Variants in RAPGEF1 observed in about 807,000 individuals in gnomAD.
RAPGEF1 encodes the protein Rap guanine nucleotide exchange factor 1.
RAPGEF1 carries 33 observed loss-of-function variants against 143.3 expected under a neutral mutation model. That is an observed-to-expected ratio of 0.23 (90% CI 0.17 to 0.31). The LOEUF is 0.31. Among genes scored for constraint, RAPGEF1 ranks in the 10% least tolerant of loss-of-function variants. The pLI is 1.00. For missense variants in RAPGEF1, 1,199 were observed against 1,645.4 expected, an observed-to-expected ratio of 0.73 and a Z score of 4.69; for synonymous variants, 629 against 676.5, an observed-to-expected ratio of 0.93 and a Z score of 1.09.
At chr9:131,694,343 A>G (rs561936823) in intron 1 of RAPGEF1, among the ~76,000 whole-genome samples, 1 of 152,336 alleles carries the variant, frequency 6.6e-6, no homozygotes, top group African/African-American at 2.4e-5. Flanking sequence ...TCCAGAAAGC[A>G]TCAGCTGTGT....
At chr9:131,726,418 T>C (rs1224019970) in intron 1 of RAPGEF1, among the ~76,000 whole-genome samples, 2 of 151,958 alleles carry the variant, frequency 1.3e-5, no homozygotes, top group Non-Finnish European at 2.9e-5. Context: ...CTTGAGGCCA[T>C]GCATTCGAGA....
At position 131,648,751 on chromosome 9, in the gene RAPGEF1, C is replaced by T. The variant is rs188145848; in HGVS notation, c.315+1378G>A. On this transcript the variant is annotated intron_variant, in intron 3 of 26. Transcript: ENST00000683357. ...TCGTTAAAAGAGGGGGCAGGAAAAA[C>T]CACTTTTCAACAAAAGACTTTTAGA... 7.0e-3 allele frequency among the ~76,000 whole-genome samples: 1,073 copies of T among 152,304 alleles called. 14 individuals carry two copies. Among genetic ancestry groups the T allele is most frequent in the Middle Eastern group, 0.034 (10 of 292 alleles).
Position 131,638,754 on chromosome 9 carries a change from T to A in RAPGEF1, c.532A>T (p.Ser178Cys). The A allele has an allele frequency of 6.2e-7, 1 of 1,613,928 alleles. No homozygotes were observed. Residue 178 changes from serine to cysteine, a missense_variant, in exon 5 of 27, where the codon AGC (serine) becomes TGC (cysteine). Physicochemically the swap from Ser to Cys is moderately radical, Grantham distance 112 (BLOSUM62 -1). Transcript: ENST00000683357. The part of the protein sequence containing the change: ...LSSCYSRVYQ[S>C]LANLIRWSDQ... ...GACCAGCGAATGAGGTTGGCGAGGC[T>A]TTGGTACACTCGGCTATAGCAGGAA...
intron 4 of RAPGEF1, among the ~76,000 whole-genome samples, chr9:131,640,105 G>C (rs1430164777): frequency 6.6e-6 from 1 of 152,216 alleles, no homozygotes; most frequent in Non-Finnish European, 1.5e-5. Context: ...ATTTGTTGTT[G>C]GAACTACTCT....
At chr9:131,598,396 G>T in intron 15 of RAPGEF1, 86 bp from the exon 16 acceptor site, 1 of 1,062,592 alleles carries the variant, frequency 9.4e-7, no homozygotes, top group Non-Finnish European at 1.4e-6. Flanking sequence ...GGTGTGCACG[G>T]CTCGAAACCG....
chr9:131,711,529 G>A (rs1397257286), intron 1 of RAPGEF1, among the ~76,000 whole-genome samples: 1 of 151,750 alleles, frequency 6.6e-6, no homozygotes, highest in East Asian at 1.9e-4. Flanking sequence ...GCTAATTTGT[G>A]TATTTTTAGT....
At chr9:131,585,692 G>A (rs561127636) in intron 22 of RAPGEF1, among the ~76,000 whole-genome samples, 2 of 152,238 alleles carry the variant, frequency 1.3e-5, no homozygotes, top group Admixed American at 6.5e-5. Flanking sequence ...ATAGGCAAAC[G>A]GGAGATGATC....
At chr9:131,595,275 G>A (rs1165170614) in intron 17 of RAPGEF1, among the ~76,000 whole-genome samples, 1 of 152,252 alleles carries the variant, frequency 6.6e-6, no homozygotes, top group Admixed American at 6.5e-5. Flanking sequence ...ACAGTGAAGG[G>A]GAGGGCGGAG....
In RAPGEF1 at chr9:131,703,984, A is replaced by C. The variant is rs149553131; in HGVS notation, c.61+35786T>G. Among the ~76,000 whole-genome samples the C allele has an allele frequency of 4.6e-5, 7 of 152,360 alleles. No individual in the cohort carries two copies. In the East Asian group the frequency reaches 1.3e-3, roughly 29 times the overall value. On this transcript the variant is annotated intron_variant, in intron 1 of 26. Coordinates refer to ENST00000683357, the MANE Select transcript of RAPGEF1 (RefSeq NM_001377935.1). ...GGTTCTCTTTACTATGCAATGCATA[A>C]CAAGAATCACTAATATTCATTAAAT... is the stretch of plus-strand genomic sequence containing the variant.
chr9:131,642,749 T>G (rs1157305834), intron 4 of RAPGEF1, among the ~76,000 whole-genome samples: 5 of 152,200 alleles, frequency 3.3e-5, no homozygotes, highest in Non-Finnish European at 7.3e-5. Context: ...AACTCTTAGC[T>G]TGTGAGCCTG....
chr9:131,664,012 C>A (rs1465717273), intron 1 of RAPGEF1, among the ~76,000 whole-genome samples: 1 of 152,084 alleles, frequency 6.6e-6, no homozygotes, highest in Non-Finnish European at 1.5e-5. Context: ...CCACCCTTTA[C>A]TTTTTTTGGT....
intron 1 of RAPGEF1, among the ~76,000 whole-genome samples, chr9:131,701,704 T>A (rs73561758): frequency 1.7e-3 from 252 of 152,386 alleles, no homozygotes; most frequent in African/African-American, 6.0e-3. Context: ...TTTTATATTA[T>A]TACATGCGTT....
intron 1 of RAPGEF1, among the ~76,000 whole-genome samples, chr9:131,668,963 G>A (rs1356504064): frequency 6.6e-6 from 1 of 152,244 alleles, no homozygotes. Context: ...GGAGGGGCAG[G>A]TGGAGGCAGC....
At chr9:131,609,073 T>C (rs1007033363) in intron 12 of RAPGEF1, among the ~76,000 whole-genome samples, 9 of 152,182 alleles carry the variant, frequency 5.9e-5, no homozygotes, top group Non-Finnish European at 1.0e-4. Flanking sequence ...GCTGCCTGTC[T>C]GAGACTTGCA....
intron 1 of RAPGEF1, among the ~76,000 whole-genome samples, chr9:131,714,448 C>A (rs1024435699): frequency 6.6e-6 from 1 of 151,940 alleles, no homozygotes; most frequent in Non-Finnish European, 1.5e-5. Flanking sequence ...GGCGGGTACC[C>A]GGTAGCTCAC....
intron 1 of RAPGEF1, among the ~76,000 whole-genome samples, chr9:131,683,691 T>A (rs1833100734): frequency 6.6e-6 from 1 of 152,214 alleles, no homozygotes; most frequent in Non-Finnish European, 1.5e-5. Flanking sequence ...TTATTCTGGA[T>A]CAAAAAGTAA....
Position 131,643,247 on chromosome 9 carries a change from A to C in RAPGEF1, c.486T>G (p.Ile162Met). ...ILPLVQNDPR[I>M]QHSSALSSCY... ...ACTTCAGAGCCACTCACCTGTGCTG[A>C]ATTCGAGGATCGTTCTGCACCAGGG... The change falls in exon 4 of 27, where the codon ATT becomes ATG. Residue 162 changes from isoleucine to methionine, a missense_variant. Ile to Met is a conservative substitution (Grantham distance 10). Coordinates refer to ENST00000683357, the MANE Select transcript of RAPGEF1 (RefSeq NM_001377935.1). The C allele has an allele frequency of 6.2e-7, 1 of 1,611,006 alleles. No individual in the cohort carries two copies. Among genetic ancestry groups the C allele is most frequent in the South Asian group, 1.1e-5 (1 of 90,634 alleles).
At chr9:131,716,515 C>T (rs1835874814) in intron 1 of RAPGEF1, among the ~76,000 whole-genome samples, 1 of 152,216 alleles carries the variant, frequency 6.6e-6, no homozygotes, top group Admixed American at 6.5e-5. Flanking sequence ...CCTGTAATCC[C>T]AGCACTTTGG....
chr9:131,650,883 A>G lies in RAPGEF1; in HGVS notation c.128T>C (p.Ile43Thr), dbSNP rs1364731661. 1 of 1,613,894 alleles carries G rather than the reference A, an allele frequency of 6.2e-7. No homozygotes were observed. Among genetic ancestry groups the G allele is most frequent in the Admixed American group, 1.7e-5 (1 of 60,022 alleles). The change falls in exon 2 of 27, where the codon ATC becomes ACC. Residue 43 changes from isoleucine to threonine, a missense_variant. Around this residue, in one of 6 missense-constraint regions of RAPGEF1, gnomAD observed 613 missense variants for 710.9 expected, o/e 0.86. Coordinates refer to ENST00000683357, the MANE Select transcript of RAPGEF1 (RefSeq NM_001377935.1). The surrounding 1 kb of genome is among the most constrained non-coding windows in gnomAD (Gnocchi z 4.7). ...TCCCTTCTTTGATGGCGTTCTCTTG[A>G]TTTTGGGTGAGTGGAATTTGTCCAT... ...KLMDKFHSPK[I>T]KRTPSKKGKP...
Sources: gnomAD v4.1 joint callset for allele counts (sites outside exome capture counted in the v4.1 genomes callset) on GRCh38, gnomAD v4.1.1 for gene constraint, gnomAD v4.1.1 regional missense constraint, Gnocchi (gnomAD v3.1) non-coding constraint, MANE v1.5 for transcripts, NCBI Gene and HGNC (gene_info 2026-07-23, HGNC 2026-07-21) for gene names.